The following EPHA10 variants were observed in gnomAD, a reference collection of about 807,000 sequenced individuals.
EPHA10 encodes the protein EPH receptor A10.
Under a neutral mutation model 109.7 loss-of-function variants are expected in EPHA10, and 120 were observed. The ratio of observed to expected loss-of-function variants is 1.09; its 90% CI spans 0.94 to 1.27. The LOEUF is 1.27. Ranked by LOEUF, EPHA10 falls within the 50% of genes most tolerant of loss-of-function variation. The pLI, the probability that EPHA10 is intolerant of heterozygous loss-of-function variation, is 0.00. For synonymous variants in EPHA10, 640 were observed against 618.9 expected (o/e 1.03, Z -0.51); for missense variants, 1,396 against 1,411.1 (o/e 0.99, Z 0.17).
rs570507368 is a variant in EPHA10, at chr1:37,733,253, G to A, written c.1492-1671C>T. Among the ~76,000 whole-genome samples, 43 of 151,836 alleles carry A rather than the reference G, an allele frequency of 2.8e-4. 1 individual carries two copies. In the South Asian group the frequency reaches 7.7e-3, roughly 27 times the overall value. ...GTGGGTTTTTTTGAGACAGGGTCTC[G>A]CTCTGTTGCCCAGGCTGGAGTGCAG... On this transcript the variant is annotated intron_variant, in intron 6 of 16. Transcript: ENST00000373048.
Position 37,727,214 on chromosome 1 carries a change from G to C in EPHA10, c.1664-4C>G. 2 of 1,595,348 alleles carry C rather than the reference G, an allele frequency of 1.3e-6. No homozygotes were observed. Among genetic ancestry groups the C allele is most frequent in the Non-Finnish European group, 1.7e-6 (2 of 1,170,150 alleles). On this transcript the variant is annotated splice_polypyrimidine_tract_variant and splice_region_variant and intron_variant, in intron 7 of 16. Coordinates refer to ENST00000373048, the MANE Select transcript of EPHA10 (RefSeq NM_001099439.2). Reference sequence around the variant, plus strand: ...TGGTCCCTGGACCCTGAGGCAGCTGGGAGGAAAATCACGAGGTTGAGGCAG... The same window carrying C: ...TGGTCCCTGGACCCTGAGGCAGCTGCGAGGAAAATCACGAGGTTGAGGCAG...
intron 3 of EPHA10, 124 bp downstream of exon 3, chr1:37,761,281 A>G: frequency 6.6e-7 from 1 of 1,520,084 alleles, no homozygotes; most frequent in Non-Finnish European, 8.8e-7. Context: ...CTTGGGCTCC[A>G]GAGTCCAAGG....
chr1:37,739,688 C>CA (rs66804054), intron 5 of EPHA10, among the ~76,000 whole-genome samples: 996 of 76,370 alleles, frequency 0.013, 10 homozygotes, highest in African/African-American at 0.035. Context: ...GACCCTGTCT[C>CA]AAAAAAAAAA....
At position 37,735,366 on chromosome 1, in the gene EPHA10, C is replaced by A; in HGVS notation, c.1382G>T (p.Arg461Leu). The change falls in exon 6 of 17, where the codon CGC (arginine) becomes CTC (leucine). Residue 461 changes from arginine to leucine, a missense_variant. Arg to Leu is a moderately radical substitution (Grantham distance 102, BLOSUM62 -2). Coordinates refer to ENST00000373048, the MANE Select transcript of EPHA10 (RefSeq NM_001099439.2). ...GCTCTGGGGTTCCACTCGGTCCCTGCGGATCTCATCCTCCTCCCAGGGCGC... is the reference window on the plus strand; with the variant it reads ...GCTCTGGGGTTCCACTCGGTCCCTGAGGATCTCATCCTCCTCCCAGGGCGC... ...PGAPWEEDEI[R>L]RDRVEPQSVS... 1.3e-6 allele frequency: 2 copies of A among 1,579,370 alleles called. No individual in the cohort carries two copies. Among genetic ancestry groups the A allele is most frequent in the South Asian group, 1.2e-5 (1 of 86,034 alleles).
intron 6 of EPHA10, among the ~76,000 whole-genome samples, chr1:37,732,405 C>T (rs1487148308): frequency 6.6e-6 from 1 of 152,184 alleles, no homozygotes; most frequent in Non-Finnish European, 1.5e-5. Context: ...TTCGTCCCTG[C>T]CCACACCTTA....
intron 3 of EPHA10, among the ~76,000 whole-genome samples, chr1:37,759,415 T>C (rs55988842): frequency 0.24 from 35,899 of 152,128 alleles, 4,665 homozygotes; most frequent in Non-Finnish European, 0.28. Context: ...CTAAGCTGCC[T>C]GGGAAAAAAA....
At position 37,719,419 on chromosome 1, in the gene EPHA10, A is replaced by T; in HGVS notation, c.2751T>A (p.Cys917Ter). 2 of 1,611,906 alleles carry T rather than the reference A, an allele frequency of 1.2e-6. No homozygotes were observed. The highest frequency in any genetic ancestry group is 2.2e-5 in the South Asian group (2 of 90,644). The change falls in exon 15 of 17, where the codon TGT (cysteine) becomes TGA (stop). Residue 917 changes from cysteine to a stop codon, truncating the protein, a stop_gained. Transcript: ENST00000373048. LOFTEE classifies it high-confidence loss of function. ...TGTCCCATGTGGGAACGTACCTGGGACAGGTAGTCAGGGCACACTTGGGGG... is the reference window on the plus strand; with the variant it reads ...TGTCCCATGTGGGAACGTACCTGGGTCAGGTAGTCAGGGCACACTTGGGGG... ...PEPPKCALTT[C>*]PRPPTPLADR...
chr1:37,760,189 C>T (rs963950323), intron 3 of EPHA10: 2 of 788,904 alleles, frequency 2.5e-6, no homozygotes, highest in African/African-American at 3.7e-5. Flanking sequence ...TTTTGCATCT[C>T]TCCATCTAGA....
chr1:37,721,267 A>C (rs953800941), intron 11 of EPHA10, among the ~76,000 whole-genome samples: 3 of 151,064 alleles, frequency 2.0e-5, no homozygotes, highest in Admixed American at 6.6e-5. Flanking sequence ...AAAAAAAAAA[A>C]AAACAAAAAA....
intron 6 of EPHA10, among the ~76,000 whole-genome samples, chr1:37,734,367 C>T (rs1172207481): frequency 3.3e-5 from 5 of 152,002 alleles, no homozygotes; most frequent in African/African-American, 1.2e-4. Flanking sequence ...AACCTCGTCT[C>T]TACTAAAAAT....
chr1:37,756,344 AAT>A (rs1304199864), intron 3 of EPHA10, among the ~76,000 whole-genome samples: 7 of 152,236 alleles, frequency 4.6e-5, no homozygotes, highest in Non-Finnish European at 1.0e-4. Flanking sequence ...GTTTCACAAA[AAT>A]AGGGGAAGAA....
At position 37,753,105 on chromosome 1, in the gene EPHA10, C is replaced by T. The variant is rs1646355199; in HGVS notation, c.1128G>A (p.Leu376=). 7.2e-7 allele frequency: 1 copy of T among 1,385,596 alleles called. No homozygotes were observed. Among genetic ancestry groups the T allele is most frequent in the African/African-American group, 1.5e-5 (1 of 66,126 alleles). The allele number at this position is 1,385,596 out of a possible 1,614,324, so 85.8% of individuals were successfully genotyped here. Residue 376 remains leucine (L), a synonymous_variant, in exon 5 of 17, where the codon CTG becomes CTA. Transcript: ENST00000373048. ...GGRSDVTYSL[L]CLRCGREGPA... ...GGCCCTCGCGGCCGCAGCGCAGGCA[C>T]AGCAGCGAGTAGGTGACGTCCGAGC...
chr1:37,727,215 G>A lies in EPHA10; in HGVS notation c.1664-5C>T. On this transcript the variant is annotated splice_polypyrimidine_tract_variant and splice_region_variant and intron_variant, in intron 7 of 16. Coordinates refer to ENST00000373048, the MANE Select transcript of EPHA10 (RefSeq NM_001099439.2). ...GGTCCCTGGACCCTGAGGCAGCTGG[G>A]AGGAAAATCACGAGGTTGAGGCAGG... 1 of 1,595,104 alleles carries A rather than the reference G, an allele frequency of 6.3e-7. No individual in the cohort carries two copies. The highest frequency in any genetic ancestry group is 8.5e-7 in the Non-Finnish European group (1 of 1,170,000).
chr1:37,722,730 C>A, intron 10 of EPHA10: 1 of 470,854 alleles, frequency 2.1e-6, no homozygotes, highest in Non-Finnish European at 4.0e-6. Context: ...GGCCCCTAAG[C>A]TTGCAAAGGC....
chr1:37,757,191 C>T (rs984726692), intron 3 of EPHA10, among the ~76,000 whole-genome samples: 1 of 152,148 alleles, frequency 6.6e-6, no homozygotes, highest in African/African-American at 2.4e-5. Context: ...AACCCCAGCT[C>T]TTTTACTAAT....
intron 7 of EPHA10, among the ~76,000 whole-genome samples, chr1:37,727,460 C>A (rs533956324): frequency 1.2e-3 from 188 of 152,292 alleles, no homozygotes; most frequent in Middle Eastern, 6.8e-3. Flanking sequence ...AGGCAGGAGT[C>A]CAGACAGGCA....
intron 5 of EPHA10, among the ~76,000 whole-genome samples, chr1:37,743,795 G>A (rs768643983): frequency 6.6e-6 from 1 of 152,164 alleles, no homozygotes; most frequent in Non-Finnish European, 1.5e-5. Context: ...CAGGCTAGGT[G>A]CATTAAATGC....
chr1:37,743,676 T>C (rs201891976), intron 5 of EPHA10, among the ~76,000 whole-genome samples: 3 of 137,396 alleles, frequency 2.2e-5, no homozygotes, highest in Non-Finnish European at 3.2e-5. Flanking sequence ...AATTACATGA[T>C]ACTCAGTGTA....
chr1:37,737,804 A>G (rs751374422), intron 5 of EPHA10, among the ~76,000 whole-genome samples: 1 of 152,210 alleles, frequency 6.6e-6, no homozygotes, highest in Non-Finnish European at 1.5e-5. Context: ...AAAGGCAACA[A>G]TAATCAGAGT....
Sources: allele counts gnomAD v4.1 joint callset (sites outside exome capture counted in the v4.1 genomes callset), GRCh38; gene constraint gnomAD v4.1.1; transcripts MANE v1.5; gene names NCBI Gene and HGNC (gene_info 2026-07-23, HGNC 2026-07-21).